INSC: variants seen among roughly 807,000 people sequenced by gnomAD.
INSC encodes the protein INSC spindle orientation adaptor protein, also known as protein inscuteable homolog.
In INSC, 67 loss-of-function variants were observed where a neutral mutation model predicts 58.6. The observed-to-expected ratio is 1.14, with a 90% CI of 0.94 to 1.40. The LOEUF is 1.40. Ranked by LOEUF, INSC falls within the 40% of genes most tolerant of loss-of-function variation. INSC has a pLI of 0.00. For missense variants in INSC, 714 were observed against 692.0 expected (o/e 1.03, Z -0.36); for synonymous variants, 262 against 276.1 (o/e 0.95, Z 0.51).
intron 1 of INSC, among the ~76,000 whole-genome samples, chr11:15,128,020 C>T (rs1413223811): frequency 6.6e-6 from 1 of 151,684 alleles, no homozygotes; most frequent in Non-Finnish European, 1.5e-5. Flanking sequence ...AAAGAAAGAA[C>T]TTGAGTTCTA....
chr11:15,196,782 A>T (rs1564897438), intron 6 of INSC, among the ~76,000 whole-genome samples: 1 of 152,180 alleles, frequency 6.6e-6, no homozygotes, highest in South Asian at 2.1e-4. Flanking sequence ...TAACCTCTCA[A>T]TGATCCTCTG....
chr11:15,258,882 T>C, the INSC span, among the ~76,000 whole-genome samples: 1 of 152,198 alleles, frequency 6.6e-6, no homozygotes, highest in Non-Finnish European at 1.5e-5. Flanking sequence ...ATCACTATTC[T>C]ATGATAGTCT....
At chr11:15,200,153 TCA>T (rs57120673) in intron 6 of INSC, among the ~76,000 whole-genome samples, 41,957 of 146,754 alleles carry the variant, frequency 0.29, 6,741 homozygotes, top group Non-Finnish European at 0.38. Flanking sequence ...AAGGGTTATA[TCA>T]CACACACACA....
upstream of INSC, chr11:15,112,631 TGTGTG>T: frequency 3.2e-6 from 1 of 312,666 alleles, no homozygotes; most frequent in Non-Finnish European, 5.1e-6. Flanking sequence ...TGTGTGTGTG[TGTGTG>T]TATTGGGAAG....
intron 10 of INSC, among the ~76,000 whole-genome samples, chr11:15,236,371 A>T (rs547682699): frequency 0.083 from 12,635 of 152,142 alleles, 1,118 homozygotes; most frequent in African/African-American, 0.23. Context: ...CAAATAAAAA[A>T]AATCTATTCC....
chr11:15,259,463 A>G, the INSC span, among the ~76,000 whole-genome samples: 1 of 152,174 alleles, frequency 6.6e-6, no homozygotes, highest in Non-Finnish European at 1.5e-5. Flanking sequence ...AAATAATAAA[A>G]TGTTTCTCTT....
rs902244379 is a variant in INSC at position 15,235,537 on chromosome 11, C to G, written c.1171-65C>G. 6 of 1,275,426 alleles carry G rather than the reference C, an allele frequency of 4.7e-6. No homozygotes were observed. In the African/African-American group the frequency reaches 8.8e-5, roughly 19 times the overall value. The allele number at this position is 1,275,426 out of a possible 1,614,324, so 79.0% of individuals were successfully genotyped here. A position where few individuals can be genotyped will look rare whatever the true frequency, so the allele number is the denominator to read the frequency against. On this transcript the variant is annotated intron_variant, in intron 9 of 12. Coordinates refer to ENST00000379556, the MANE Select transcript of INSC (RefSeq NM_001042536.3). ...GCTTTGTAGCCCCTGGCTGACCTGT[C>G]TGTAGGGAGGACTATTAGGATCAGG...
intron 9 of INSC, among the ~76,000 whole-genome samples, chr11:15,229,962 ATATATATATAT>A (rs1851802205): frequency 3.5e-5 from 1 of 28,234 alleles, no homozygotes; most frequent in Non-Finnish European, 6.1e-5. Context: ...ATATATATTT[ATATATATATAT>A]ATATATTATA....
Position 15,240,543 on chromosome 11 carries a change from C to T in INSC, c.1470+20C>T. On this transcript the variant is annotated intron_variant, in intron 12 of 12. Coordinates refer to ENST00000379556, the MANE Select transcript of INSC (RefSeq NM_001042536.3). Reference sequence around the variant, plus strand: ...TGCCTGGTGAGTTCTCAGTCTTCCCCCAGCTTTTCCCCTGGCCTTCGGAAT... The same window carrying T: ...TGCCTGGTGAGTTCTCAGTCTTCCCTCAGCTTTTCCCCTGGCCTTCGGAAT... 6.2e-7 allele frequency: 1 copy of T among 1,606,018 alleles called. No individual in the cohort carries two copies. Among genetic ancestry groups the T allele is most frequent in the Admixed American group, 1.7e-5 (1 of 59,594 alleles).
chr11:15,251,712 T>C (rs1265322215), downstream of INSC, among the ~76,000 whole-genome samples: 1 of 152,090 alleles, frequency 6.6e-6, no homozygotes, highest in Admixed American at 6.6e-5. Flanking sequence ...CACTTCATTC[T>C]GGTGGGATGG....
intron 1 of INSC, among the ~76,000 whole-genome samples, chr11:15,119,766 G>A (rs974512730): frequency 2.0e-5 from 3 of 152,194 alleles, no homozygotes; most frequent in Non-Finnish European, 2.9e-5. Context: ...GTCAGAGGTG[G>A]GCGGTACATA....
At chr11:15,175,687 CT>C in intron 2 of INSC, 53 bp from the exon 3 acceptor site, 3 of 1,405,976 alleles carry the variant, frequency 2.1e-6, no homozygotes, top group South Asian at 1.5e-5. Flanking sequence ...GAATTGAGAC[CT>C]TTGGAAATCA....
At chr11:15,199,345 C>G (rs946970372) in intron 6 of INSC, among the ~76,000 whole-genome samples, 14 of 152,190 alleles carry the variant, frequency 9.2e-5, no homozygotes, top group Admixed American at 6.5e-5. Context: ...AAATTATGAA[C>G]TCCTCCAGAG....
At chr11:15,258,371 TAG>T in the INSC span, among the ~76,000 whole-genome samples, 1 of 152,170 alleles carries the variant, frequency 6.6e-6, no homozygotes, top group Non-Finnish European at 1.5e-5. Context: ...ATAGCTGGCA[TAG>T]AGAGAGATTT....
intron 1 of INSC, among the ~76,000 whole-genome samples, chr11:15,147,099 G>A (rs1364801202): frequency 1.3e-5 from 2 of 152,032 alleles, no homozygotes; most frequent in African/African-American, 2.4e-5. Context: ...AAATCTACTT[G>A]CTCCCTGCCA....
chr11:15,201,215 A>G (rs115793879), intron 7 of INSC, among the ~76,000 whole-genome samples: 1,607 of 151,756 alleles, frequency 0.011, 33 homozygotes, highest in African/African-American at 0.037. Flanking sequence ...AACTGGGGAG[A>G]CTCCTGTGGG....
chr11:15,147,258 T>C (rs536238171), intron 1 of INSC, among the ~76,000 whole-genome samples: 4 of 152,246 alleles, frequency 2.6e-5, no homozygotes, highest in Admixed American at 6.5e-5. Flanking sequence ...CTCACCAGAT[T>C]CCAAAAATAT....
intron 8 of INSC, among the ~76,000 whole-genome samples, chr11:15,225,020 C>T (rs1851578769): frequency 6.6e-6 from 1 of 152,308 alleles, no homozygotes; most frequent in East Asian, 1.9e-4. Flanking sequence ...AGCTTAGCAG[C>T]AGGCTAGTGT....
intron 2 of INSC, among the ~76,000 whole-genome samples, chr11:15,170,523 T>A (rs997538231): frequency 6.6e-6 from 1 of 152,224 alleles, no homozygotes; most frequent in Admixed American, 6.5e-5. Flanking sequence ...TGCTACAAGA[T>A]GAAGTGCACT....
Sources: allele counts gnomAD v4.1 joint callset (sites outside exome capture counted in the v4.1 genomes callset), GRCh38; gene constraint gnomAD v4.1.1; transcripts MANE v1.5; gene names NCBI Gene and HGNC (gene_info 2026-07-23, HGNC 2026-07-21).